The following KCTD16 variants were observed in gnomAD, a reference collection of about 807,000 sequenced individuals.
KCTD16 encodes the protein BTB/POZ domain-containing protein KCTD16.
KCTD16 carries 13 observed loss-of-function variants against 33.2 expected under a neutral mutation model. The observed-to-expected ratio is 0.39, with a 90% confidence interval of 0.25 to 0.62. The LOEUF (loss-of-function observed/expected upper bound fraction) is 0.62, where lower values mean the gene tolerates loss of function less well. Among genes scored for constraint, KCTD16 ranks in the 20% least tolerant of loss-of-function variants. KCTD16 has a pLI of 0.50. For synonymous variants in KCTD16, 197 were observed against 195.3 expected (o/e 1.01, Z -0.07); for missense variants, 441 against 525.1 (o/e 0.84, Z 1.57).
At chr5:144,184,726 ATATCT>A (rs1752691300) in intron 2 of KCTD16, among the ~76,000 whole-genome samples, 1 of 152,008 alleles carries the variant, frequency 6.6e-6, no homozygotes, top group Non-Finnish European at 1.5e-5. Context: ...GTGTGAGGTG[ATATCT>A]TATTATGGTT....
chr5:144,377,569 C>T (rs947446143), intron 3 of KCTD16, among the ~76,000 whole-genome samples: 2 of 152,204 alleles, frequency 1.3e-5, no homozygotes, highest in African/African-American at 2.4e-5. Context: ...ACCCTCTCTT[C>T]TCCAAACTTA....
intron 3 of KCTD16, among the ~76,000 whole-genome samples, chr5:144,306,001 C>G (rs1751596369): frequency 1.3e-5 from 2 of 152,022 alleles, no homozygotes. Flanking sequence ...TATGGTAGCC[C>G]TAGAAAATTA....
rs1207935189 is a variant in KCTD16, at chr5:144,265,199, AT to A, written c.832+57662del. On this transcript the variant is annotated intron_variant, in intron 3 of 3. Transcript: ENST00000512467. ...ACAGGTGTCAGAAATGTGTATTTAC[AT>A]TTTTTTTTCCAAAACAGAAGGACAT... Among the ~76,000 whole-genome samples the A allele has an allele frequency of 2.1e-3, 314 of 151,668 alleles. 1 individual carries two copies. The highest frequency in any genetic ancestry group is 6.5e-3 in the African/African-American group (271 of 41,410).
intron 3 of KCTD16, among the ~76,000 whole-genome samples, chr5:144,259,813 C>G (rs1036013623): frequency 6.6e-6 from 1 of 152,180 alleles, no homozygotes; most frequent in Non-Finnish European, 1.5e-5. Flanking sequence ...AGCAAAAACC[C>G]TGTGGCCATC....
intron 3 of KCTD16, among the ~76,000 whole-genome samples, chr5:144,467,467 G>A (rs1235044817): frequency 2.0e-5 from 3 of 152,122 alleles, no homozygotes; most frequent in Admixed American, 2.0e-4. Context: ...GCACACTCTA[G>A]AATTCAGAAG....
At chr5:144,322,989 C>A (rs1439962358) in intron 3 of KCTD16, among the ~76,000 whole-genome samples, 1 of 152,096 alleles carries the variant, frequency 6.6e-6, no homozygotes, top group African/African-American at 2.4e-5. Context: ...GCCCATTGAT[C>A]CATTGGTCAA....
chr5:144,343,543 T>C (rs1415795480), intron 3 of KCTD16, among the ~76,000 whole-genome samples: 2 of 152,072 alleles, frequency 1.3e-5, no homozygotes, highest in Non-Finnish European at 2.9e-5. Flanking sequence ...CCTGGATTCA[T>C]TAATTTTTTG....
rs1462834907 is a variant in KCTD16, at chr5:144,483,783, A to G, written c.*9669A>G. On this transcript the variant is annotated 3_prime_UTR_variant, in exon 4 of 4. Coordinates refer to ENST00000512467, the MANE Select transcript of KCTD16 (RefSeq NM_020768.4). ...CATGCCTTCAACTGATAGTCCTAGC[A>G]CAGATCCCTCCTCCCAGAGATCTGT... is the stretch of plus-strand genomic sequence containing the variant. 2 of 151,962 alleles carry G rather than the reference A, an allele frequency of 1.3e-5. No individual in the cohort carries two copies. The highest frequency in any genetic ancestry group is 4.8e-5 in the African/African-American group (2 of 41,414). The allele number at this position is 151,962 out of a possible 1,614,324, so 9.4% of individuals were successfully genotyped here.
chr5:144,322,397 G>A (rs915837196), intron 3 of KCTD16, among the ~76,000 whole-genome samples: 1 of 151,966 alleles, frequency 6.6e-6, no homozygotes, highest in Admixed American at 6.6e-5. Context: ...GCTAATCCTG[G>A]GACTTTCTAG....
At chr5:144,345,621 C>G (rs1384216057) in intron 3 of KCTD16, among the ~76,000 whole-genome samples, 3 of 152,118 alleles carry the variant, frequency 2.0e-5, no homozygotes, top group Non-Finnish European at 4.4e-5. Context: ...AATGGGAATA[C>G]AGCAGTGAAC....
intron 1 of KCTD16, among the ~76,000 whole-genome samples, chr5:144,171,879 T>C (rs1752392503): frequency 6.6e-6 from 1 of 152,210 alleles, no homozygotes; most frequent in African/African-American, 2.4e-5. Context: ...TTGGCTCCTG[T>C]GTTAAATCAC....
At chr5:144,312,879 C>G (rs891835563) in intron 3 of KCTD16, among the ~76,000 whole-genome samples, 4 of 152,110 alleles carry the variant, frequency 2.6e-5, no homozygotes, top group African/African-American at 9.7e-5. Context: ...GTGAAGAAAA[C>G]TTGTTTGATT....
chr5:144,474,257 A>T lies in KCTD16; in HGVS notation c.*143A>T, dbSNP rs188494964. On this transcript the variant is annotated 3_prime_UTR_variant, in exon 4 of 4. Coordinates refer to ENST00000512467, the MANE Select transcript of KCTD16 (RefSeq NM_020768.4). ...ATAGTCCATTGATATACTACTGCCT[A>T]CTTTACCTAGTTCACCTTAACATGT... is the stretch of plus-strand genomic sequence containing the variant. 3.1e-6 allele frequency: 2 copies of T among 642,614 alleles called. No individual in the cohort carries two copies. The highest frequency in any genetic ancestry group is 3.7e-5 in the African/African-American group (2 of 54,580). 39.8% of individuals were successfully genotyped at this position (642,614 alleles called of 1,614,324 possible).
At chr5:144,193,548 T>A (rs879307602) in intron 2 of KCTD16, among the ~76,000 whole-genome samples, 1 of 151,916 alleles carries the variant, frequency 6.6e-6, no homozygotes, top group Non-Finnish European at 1.5e-5. Flanking sequence ...CCTATTCTAT[T>A]TTATTCATAG....
At chr5:144,439,949 TAA>T (rs549445281) in intron 3 of KCTD16, among the ~76,000 whole-genome samples, 455 of 138,716 alleles carry the variant, frequency 3.3e-3, no homozygotes, top group African/African-American at 0.011. Context: ...TTTCATAATC[TAA>T]AAAAAAAAAA....
chr5:144,371,919 G>T (rs1580910115), intron 3 of KCTD16, among the ~76,000 whole-genome samples: 2 of 151,824 alleles, frequency 1.3e-5, no homozygotes, highest in African/African-American at 2.4e-5. Flanking sequence ...GCTGTCAGTG[G>T]GTTCTCAACC....
At chr5:144,234,257 C>T (rs1754187646) in intron 3 of KCTD16, among the ~76,000 whole-genome samples, 1 of 152,132 alleles carries the variant, frequency 6.6e-6, no homozygotes, top group African/African-American at 2.4e-5. Flanking sequence ...GGAAGAGACA[C>T]AGGCCATCTC....
In KCTD16 at chr5:144,317,130, C is replaced by G. The variant is rs1024591093; in HGVS notation, c.832+109584C>G. On this transcript the variant is annotated intron_variant, in intron 3 of 3. Transcript: ENST00000512467. ...TGTGAGCCACCAAGCCCGGCCCGGC[C>G]AGCATCTTTTTAATGTAAATTCATA... is the stretch of plus-strand genomic sequence containing the variant. Among the ~76,000 whole-genome samples, 3 of 152,120 alleles carry G rather than the reference C, an allele frequency of 2.0e-5. No individual in the cohort carries two copies. In the South Asian group the frequency reaches 6.2e-4, roughly 32 times the overall value.
intron 3 of KCTD16, among the ~76,000 whole-genome samples, chr5:144,277,194 G>C (rs1180270233): frequency 1.3e-5 from 2 of 152,066 alleles, no homozygotes; most frequent in Non-Finnish European, 2.9e-5. Context: ...ATTTACAATT[G>C]CATAGTTCTT....
Sources: gnomAD v4.1 joint callset for allele counts (sites outside exome capture counted in the v4.1 genomes callset) on GRCh38, gnomAD v4.1.1 for gene constraint, MANE v1.5 for transcripts, NCBI Gene and HGNC (gene_info 2026-07-23, HGNC 2026-07-21) for gene names.